Variants in ITGBL1 observed in about 807,000 individuals in gnomAD.
ITGBL1 encodes the protein integrin beta-like protein 1.
In ITGBL1, 51 loss-of-function variants were observed where a neutral mutation model predicts 68.5. The ratio of observed to expected loss-of-function variants is 0.74; its 90% CI spans 0.59 to 0.94. ITGBL1 has a LOEUF of 0.94. Ranked by LOEUF, ITGBL1 falls within the 40% of genes least tolerant of loss-of-function variation. The pLI is 0.00. For missense variants in ITGBL1, 649 were observed against 647.4 expected, an observed-to-expected ratio of 1.00 and a Z score of -0.03; for synonymous variants, 209 against 227.3, an observed-to-expected ratio of 0.92 and a Z score of 0.72.
chr13:101,575,596 C>T (rs1428636572), intron 4 of ITGBL1, 50 bp downstream of exon 4: 1 of 1,566,152 alleles, frequency 6.4e-7, no homozygotes, highest in Non-Finnish European at 8.8e-7. Context: ...GTTTTTTTCA[C>T]CTATTTCATT....
chr13:101,666,845 G>A (rs920213192), intron 7 of ITGBL1, among the ~76,000 whole-genome samples: 1 of 152,090 alleles, frequency 6.6e-6, no homozygotes, highest in Non-Finnish European at 1.5e-5. Flanking sequence ...GGACAGGCAA[G>A]GTCACCTTCA....
intron 8 of ITGBL1, among the ~76,000 whole-genome samples, chr13:101,697,666 A>G (rs1018788530): frequency 1.3e-5 from 2 of 152,146 alleles, no homozygotes; most frequent in Non-Finnish European, 1.5e-5. Context: ...TGGTTTACCT[A>G]TGTATTTGTT....
chr13:101,680,261 C>T (rs1210194286), intron 7 of ITGBL1, among the ~76,000 whole-genome samples: 2 of 152,176 alleles, frequency 1.3e-5, no homozygotes, highest in Non-Finnish European at 2.9e-5. Flanking sequence ...TTGGCAGGCG[C>T]TTTCTCTAGT....
intron 2 of ITGBL1, among the ~76,000 whole-genome samples, chr13:101,460,113 C>T (rs992339230): frequency 3.3e-5 from 5 of 152,084 alleles, no homozygotes; most frequent in Admixed American, 3.3e-4. Flanking sequence ...TTCATCTTCT[C>T]TCCCTTCCTT....
chr13:101,586,792 C>G (rs1246655763), intron 6 of ITGBL1, among the ~76,000 whole-genome samples: 1 of 152,112 alleles, frequency 6.6e-6, no homozygotes, highest in Admixed American at 6.6e-5. Flanking sequence ...CAGACATCAA[C>G]CTCTGCAGTA....
At chr13:101,545,938 A>G (rs1403854456) in intron 2 of ITGBL1, among the ~76,000 whole-genome samples, 1 of 152,248 alleles carries the variant, frequency 6.6e-6, no homozygotes, top group Non-Finnish European at 1.5e-5. Context: ...AAAGTCCCAC[A>G]GCAGAATAAA....
chr13:101,469,588 C>G (rs914490060), intron 2 of ITGBL1, among the ~76,000 whole-genome samples: 7 of 152,140 alleles, frequency 4.6e-5, no homozygotes, highest in Non-Finnish European at 8.8e-5. Flanking sequence ...GAGGCTGAGA[C>G]AGGATAATTG....
chr13:101,506,485 T>A (rs2049029008), intron 2 of ITGBL1, among the ~76,000 whole-genome samples: 1 of 152,186 alleles, frequency 6.6e-6, no homozygotes, highest in Non-Finnish European at 1.5e-5. Context: ...GGTATTGGGA[T>A]GCTTAGAAGA....
intron 7 of ITGBL1, among the ~76,000 whole-genome samples, chr13:101,668,356 C>G (rs2033275164): frequency 6.6e-6 from 1 of 152,144 alleles, no homozygotes. Flanking sequence ...CCACTTCACT[C>G]TAGCCTGGGT....
At chr13:101,516,901 C>T (rs1730623881) in intron 2 of ITGBL1, among the ~76,000 whole-genome samples, 1 of 152,130 alleles carries the variant, frequency 6.6e-6, no homozygotes, top group African/African-American at 2.4e-5. Context: ...GTATTTACCA[C>T]TTAGAGAGAA....
intron 2 of ITGBL1, among the ~76,000 whole-genome samples, chr13:101,509,114 G>A (rs35125698): frequency 6.6e-5 from 10 of 152,046 alleles, no homozygotes; most frequent in South Asian, 2.1e-4. Flanking sequence ...TTATAGTTCC[G>A]CATGGCTGGG....
chr13:101,558,911 ATGTG>A (rs57018896), intron 2 of ITGBL1, among the ~76,000 whole-genome samples: 1 of 150,172 alleles, frequency 6.7e-6, no homozygotes, highest in Non-Finnish European at 1.5e-5. Flanking sequence ...TTGTGTGTGT[ATGTG>A]TGTGTGTGTG....
chr13:101,524,127 T>A (rs12853482), intron 2 of ITGBL1, among the ~76,000 whole-genome samples: 15,127 of 121,892 alleles, frequency 0.12, 1,219 homozygotes, highest in African/African-American at 0.26. Context: ...ACTTTTTTTT[T>A]AATTTTTTTT....
chr13:101,492,196 C>T (rs1385951814), intron 2 of ITGBL1, among the ~76,000 whole-genome samples: 6 of 152,102 alleles, frequency 3.9e-5, no homozygotes, highest in Admixed American at 6.6e-5. Flanking sequence ...TTAGTTCAAC[C>T]ATTGTGGAAG....
Position 101,640,390 on chromosome 13 carries a change from T to C in ITGBL1, c.1015+42091T>C, listed in dbSNP as rs371838654. Among the ~76,000 whole-genome samples the C allele has an allele frequency of 2.8e-4, 42 of 152,282 alleles. No individual in the cohort carries two copies. The East Asian group carries it at 7.7e-3, about 28-fold the overall frequency. On this transcript the variant is annotated intron_variant, in intron 7 of 10. Transcript: ENST00000376180. ...TGAAACTTTTACTTTAGGAGAAGAA[T>C]ACAATGTCCCAGACCACTCAATTTA...
At chr13:101,543,629 G>A (rs866863550) in intron 2 of ITGBL1, among the ~76,000 whole-genome samples, 1 of 152,126 alleles carries the variant, frequency 6.6e-6, no homozygotes, top group Non-Finnish European at 1.5e-5. Context: ...GGGAAGTTCT[G>A]CTGGATAATA....
chr13:101,673,776 C>A (rs940433596), intron 7 of ITGBL1, among the ~76,000 whole-genome samples: 11 of 152,148 alleles, frequency 7.2e-5, no homozygotes, highest in African/African-American at 2.2e-4. Flanking sequence ...GAGATGATAA[C>A]CCTTGTCTAT....
At chr13:101,556,042 T>C (rs1215857024) in intron 2 of ITGBL1, among the ~76,000 whole-genome samples, 1 of 152,216 alleles carries the variant, frequency 6.6e-6, no homozygotes, top group African/African-American at 2.4e-5. Context: ...GTAATAGCTA[T>C]GATTTGACTG....
At chr13:101,468,667 T>C (rs1354550916) in intron 2 of ITGBL1, among the ~76,000 whole-genome samples, 1 of 152,212 alleles carries the variant, frequency 6.6e-6, no homozygotes, top group Non-Finnish European at 1.5e-5. Context: ...TAACTTCTTT[T>C]TGGAAAAGTA....
Sources: gnomAD v4.1 joint callset for allele counts (sites outside exome capture counted in the v4.1 genomes callset) on GRCh38, gnomAD v4.1.1 for gene constraint, MANE v1.5 for transcripts, NCBI Gene and HGNC (gene_info 2026-07-23, HGNC 2026-07-21) for gene names.